Variants in RNFT2 observed in about 807,000 individuals in gnomAD.
RNFT2 encodes the protein ring finger protein, transmembrane 2, also known as E3 ubiquitin-protein ligase RNFT2.
Under a neutral mutation model 53.0 loss-of-function variants are expected in RNFT2, and 36 were observed. That is an observed-to-expected ratio of 0.68 (90% CI 0.52 to 0.90). The LOEUF (loss-of-function observed/expected upper bound fraction) is 0.90, where lower values mean the gene tolerates loss of function less well. Among genes scored for constraint, RNFT2 ranks in the 40% least tolerant of loss-of-function variants. RNFT2 has a pLI of 0.00. For missense variants in RNFT2, 514 were observed against 585.6 expected (o/e 0.88, Z 1.26); for synonymous variants, 260 against 253.2 (o/e 1.03, Z -0.26).
chr12:116,763,892 T>C (rs1872801051), intron 5 of RNFT2, among the ~76,000 whole-genome samples: 2 of 151,870 alleles, frequency 1.3e-5, no homozygotes, highest in Non-Finnish European at 2.9e-5. Context: ...ACGAAAAAAA[T>C]ACTTACATAC....
chr12:116,844,218 T>G (rs77385527), intron 10 of RNFT2, among the ~76,000 whole-genome samples: 6 of 147,984 alleles, frequency 4.1e-5, no homozygotes, highest in Non-Finnish European at 6.0e-5. Flanking sequence ...GTATTATGGG[T>G]TTTTTTTTTG....
At chr12:116,771,191 T>C (rs991323563) in intron 6 of RNFT2, among the ~76,000 whole-genome samples, 15 of 152,052 alleles carry the variant, frequency 9.9e-5, no homozygotes, top group African/African-American at 3.6e-4. Flanking sequence ...CCAGGTGCGT[T>C]GGCTCACGCT....
intron 8 of RNFT2, among the ~76,000 whole-genome samples, chr12:116,834,911 G>A (rs1447218337): frequency 6.7e-6 from 1 of 149,100 alleles, no homozygotes; most frequent in Non-Finnish European, 1.5e-5. Flanking sequence ...GTGGAGTGGT[G>A]CAATCTTGGC....
chr12:116,755,566 A>G (rs1045017205), intron 5 of RNFT2: 7 of 844,250 alleles, frequency 8.3e-6, no homozygotes, highest in East Asian at 4.8e-5. Context: ...TCAGGAAGCT[A>G]TCTCGGCTCT....
chr12:116,783,669 C>T (rs972915995), intron 7 of RNFT2, among the ~76,000 whole-genome samples: 1 of 152,218 alleles, frequency 6.6e-6, no homozygotes, highest in African/African-American at 2.4e-5. Flanking sequence ...GGACTGAAGC[C>T]AGTGCTGAGA....
intron 3 of RNFT2, 81 bp from the exon 4 acceptor site, chr12:116,749,760 T>G: frequency 8.2e-7 from 1 of 1,224,374 alleles, no homozygotes; most frequent in Non-Finnish European, 1.2e-6. Flanking sequence ...ATAATTGATA[T>G]TATTAGTCCC....
chr12:116,839,796 C>T (rs1565875297), intron 10 of RNFT2, among the ~76,000 whole-genome samples: 1 of 145,322 alleles, frequency 6.9e-6, no homozygotes, highest in African/African-American at 2.6e-5. Context: ...GAGGGAGGGG[C>T]GGAGGGGCCC....
rs555325450 is a variant in RNFT2, at chr12:116,833,929, C to T, written c.1020C>T (p.Tyr340=). ...YFLGGVLIVL[Y]SLCKSFDICG... ...TGGGCGGGGTCCTGATCGTTCTCTACAGCCTCTGCAAGGTGAGGTGGCCCC... is the reference window on the plus strand; with the variant it reads ...TGGGCGGGGTCCTGATCGTTCTCTATAGCCTCTGCAAGGTGAGGTGGCCCC... Residue 340 remains tyrosine, a synonymous_variant, in exon 8 of 11, where the codon TAC becomes TAT. Transcript: ENST00000257575. 777 of 1,605,988 alleles carry T rather than the reference C, an allele frequency of 4.8e-4. 11 individuals carry two copies. In the South Asian group the frequency reaches 8.4e-3, roughly 17 times the overall value.
chr12:116,841,813 AT>A, intron 10 of RNFT2, among the ~76,000 whole-genome samples: 3 of 80,490 alleles, frequency 3.7e-5, no homozygotes, highest in African/African-American at 1.5e-4. Flanking sequence ...ATAAATATAT[AT>A]ATAAAAATAT....
chr12:116,814,412 A>G (rs1324062167), intron 7 of RNFT2, among the ~76,000 whole-genome samples: 1 of 152,122 alleles, frequency 6.6e-6, no homozygotes, highest in Non-Finnish European at 1.5e-5. Flanking sequence ...TCTTTTAGAC[A>G]GTGGTGGGGG....
intron 10 of RNFT2, among the ~76,000 whole-genome samples, chr12:116,845,685 G>A (rs1877576042): frequency 6.6e-6 from 1 of 152,102 alleles, no homozygotes; most frequent in South Asian, 2.1e-4. Context: ...GGGTGCCATA[G>A]TGGGAATCTG....
chr12:116,758,636 A>C (rs562002061), intron 5 of RNFT2, among the ~76,000 whole-genome samples: 3 of 152,212 alleles, frequency 2.0e-5, no homozygotes, highest in African/African-American at 7.2e-5. Context: ...TTCACTGGAT[A>C]CAAAATTCTT....
At chr12:116,819,540 G>A (rs1183092086) in intron 7 of RNFT2, among the ~76,000 whole-genome samples, 3 of 152,120 alleles carry the variant, frequency 2.0e-5, no homozygotes, top group African/African-American at 4.8e-5. Context: ...ATCTCATCCG[G>A]GCCCGGGGGA....
chr12:116,822,136 A>G (rs542840556), intron 7 of RNFT2, among the ~76,000 whole-genome samples: 1 of 151,262 alleles, frequency 6.6e-6, no homozygotes, highest in South Asian at 2.1e-4. Flanking sequence ...TGCCTGGCCA[A>G]CCTCCTTCAA....
chr12:116,745,901 C>G (rs985473133), intron 3 of RNFT2, among the ~76,000 whole-genome samples: 1 of 152,056 alleles, frequency 6.6e-6, no homozygotes, highest in African/African-American at 2.4e-5. Context: ...GAGCTCTGTC[C>G]AAAGCTATGG....
intron 6 of RNFT2, among the ~76,000 whole-genome samples, chr12:116,773,270 C>T (rs755846321): frequency 3.3e-5 from 5 of 152,212 alleles, no homozygotes; most frequent in African/African-American, 7.2e-5. Flanking sequence ...CCGCAAGTAA[C>T]GTCTATTGAC....
intron 10 of RNFT2, among the ~76,000 whole-genome samples, chr12:116,848,637 T>C (rs1877739598): frequency 6.6e-6 from 1 of 152,094 alleles, no homozygotes; most frequent in Non-Finnish European, 1.5e-5. Flanking sequence ...CAGTCCAGCC[T>C]CAGGGCCTTT....
rs1566066761 is a variant in RNFT2, at chr12:116,743,236, A to AAAAC, written c.83+2145_83+2146insCAAA. 2.6e-5 allele frequency among the ~76,000 whole-genome samples: 3 copies of AAAAC among 113,668 alleles called. 1 individual carries two copies. Among genetic ancestry groups the AAAAC allele is most frequent in the Non-Finnish European group, 5.7e-5 (3 of 52,644 alleles). The allele number at this position is 113,668 out of a possible 152,430, so 74.6% of individuals were successfully genotyped here. ...TCTAAAAAAAAAAAAAAAAAAAAAA[A>AAAAC]AAAAAAAACCGGTTAAAAAACACTC... On this transcript the variant is annotated intron_variant, in intron 3 of 10. Coordinates refer to ENST00000257575, the MANE Select transcript of RNFT2 (RefSeq NM_001382266.1).
intron 5 of RNFT2, among the ~76,000 whole-genome samples, chr12:116,765,203 ATTC>A (rs1872855814): frequency 6.6e-6 from 1 of 152,114 alleles, no homozygotes; most frequent in Non-Finnish European, 1.5e-5. Context: ...CCCTCTTCCT[ATTC>A]CACCTTTGGT....
Sources: allele counts gnomAD v4.1 joint callset (sites outside exome capture counted in the v4.1 genomes callset), GRCh38; gene constraint gnomAD v4.1.1; transcripts MANE v1.5; gene names NCBI Gene and HGNC (gene_info 2026-07-23, HGNC 2026-07-21).